Variants in CTNNA1 observed in about 807,000 individuals in gnomAD.
CTNNA1 encodes the protein catenin alpha 1, also known as catenin alpha-1.
In CTNNA1, 37 loss-of-function variants were observed where a neutral mutation model predicts 98.4. The observed-to-expected ratio is 0.38, with a 90% confidence interval of 0.29 to 0.49. CTNNA1 has a LOEUF of 0.49. CTNNA1 is among the 20% of genes least tolerant of loss of function. The pLI is 0.95. For missense variants in CTNNA1, 761 were observed against 1,147.2 expected (o/e 0.66, Z 4.86); for synonymous variants, 404 against 413.2 (o/e 0.98, Z 0.27).
At chr5:138,921,426 G>C (rs1439784984) in intron 11 of CTNNA1, among the ~76,000 whole-genome samples, 4 of 152,064 alleles carry the variant, frequency 2.6e-5, no homozygotes, top group African/African-American at 9.7e-5. Flanking sequence ...GTGGTAATTT[G>C]TACTTTCCTT....
intron 10 of CTNNA1, among the ~76,000 whole-genome samples, chr5:138,913,089 T>G (rs1003109722): frequency 1.3e-5 from 2 of 152,116 alleles, no homozygotes; most frequent in African/African-American, 2.4e-5. Context: ...TTCAGTTTTT[T>G]TTTGTTTGTT....
At chr5:138,900,530 A>G (rs1757806403) in intron 9 of CTNNA1, among the ~76,000 whole-genome samples, 1 of 152,240 alleles carries the variant, frequency 6.6e-6, no homozygotes, top group African/African-American at 2.4e-5. Context: ...ACTTCAGTAA[A>G]TCATAAATCT....
At chr5:138,823,438 A>G (rs899839632) in intron 5 of CTNNA1, among the ~76,000 whole-genome samples, 5 of 152,214 alleles carry the variant, frequency 3.3e-5, no homozygotes, top group South Asian at 2.1e-4. Flanking sequence ...GATTGGGGCT[A>G]TGAAGCACAT....
At chr5:138,846,480 T>A (rs1300446747) in intron 7 of CTNNA1, among the ~76,000 whole-genome samples, 2 of 152,234 alleles carry the variant, frequency 1.3e-5, no homozygotes, top group Non-Finnish European at 2.9e-5. Context: ...AGTTTGCTAA[T>A]GATGTGATAT....
At chr5:138,756,341 A>G (rs1388990173) in intron 1 of CTNNA1, among the ~76,000 whole-genome samples, 1 of 151,758 alleles carries the variant, frequency 6.6e-6, no homozygotes, top group Non-Finnish European at 1.5e-5. Context: ...TGATTTTTTA[A>G]TTTTTAGCAG....
chr5:138,842,523 C>G (rs866539814), intron 7 of CTNNA1, among the ~76,000 whole-genome samples: 1 of 152,128 alleles, frequency 6.6e-6, no homozygotes, highest in Non-Finnish European at 1.5e-5. Context: ...ATCCTCTCAC[C>G]TCCCTCACCT....
intron 9 of CTNNA1, among the ~76,000 whole-genome samples, chr5:138,893,901 C>T (rs916971425): frequency 1.3e-5 from 2 of 149,958 alleles, no homozygotes; most frequent in South Asian, 2.1e-4. Flanking sequence ...AGATTACAGG[C>T]GTGAGCCACC....
At chr5:138,825,376 G>A (rs1760553844) in intron 6 of CTNNA1, among the ~76,000 whole-genome samples, 1 of 151,824 alleles carries the variant, frequency 6.6e-6, no homozygotes, top group Admixed American at 6.6e-5. Context: ...GATGCGCTAG[G>A]TCTGTCCTGT....
chr5:138,907,739 T>C (rs115753071), intron 10 of CTNNA1, among the ~76,000 whole-genome samples: 1,695 of 152,314 alleles, frequency 0.011, 27 homozygotes, highest in African/African-American at 0.039. Flanking sequence ...TATTTTAAAG[T>C]GTGTGTTTCT....
chr5:138,857,463 T>A (rs1208694531), intron 7 of CTNNA1, among the ~76,000 whole-genome samples: 1 of 151,960 alleles, frequency 6.6e-6, no homozygotes, highest in African/African-American at 2.4e-5. Context: ...AGCTCATTTA[T>A]CCACTGCATT....
intron 10 of CTNNA1, among the ~76,000 whole-genome samples, chr5:138,907,202 G>T (rs1166462528): frequency 6.6e-6 from 1 of 151,952 alleles, no homozygotes; most frequent in Non-Finnish European, 1.5e-5. Context: ...TTGTATTTCT[G>T]GTAGAGACGG....
chr5:138,819,736 T>C (rs1759822651), intron 5 of CTNNA1, among the ~76,000 whole-genome samples: 4 of 152,058 alleles, frequency 2.6e-5, no homozygotes, highest in Admixed American at 1.3e-4. Flanking sequence ...GCGAAGGTAC[T>C]GTTTTCCCTG....
chr5:138,904,307 CAA>C, intron 9 of CTNNA1, 40 bp from the exon 10 acceptor site: 1 of 1,583,452 alleles, frequency 6.3e-7, no homozygotes, highest in Non-Finnish European at 8.6e-7. Flanking sequence ...CCTTAGCAGT[CAA>C]AAGAGAAAAA....
In CTNNA1 at chr5:138,873,092, G is replaced by A; in HGVS notation, c.1063-13120G>A. 1 of 1,613,864 alleles carries A rather than the reference G, an allele frequency of 6.2e-7. No individual in the cohort carries two copies. Among genetic ancestry groups the A allele is most frequent in the Non-Finnish European group, 8.5e-7 (1 of 1,179,794 alleles). Reference sequence around the variant, plus strand: ...AATGATGATGAAGGGTCCTTCATGGGTGGGTTCATATTCATTATACGGTCC... The same window carrying A: ...AATGATGATGAAGGGTCCTTCATGGATGGGTTCATATTCATTATACGGTCC... On this transcript the variant is annotated intron_variant, in intron 7 of 17. Transcript: ENST00000302763. This position sits in a 1 kb window ranked among gnomAD's most constrained non-coding sequence, Gnocchi z 6.1.
chr5:138,819,368 G>A (rs1401144161), intron 5 of CTNNA1, among the ~76,000 whole-genome samples: 1 of 152,198 alleles, frequency 6.6e-6, no homozygotes, highest in Admixed American at 6.5e-5. Context: ...GAGTGTCTCA[G>A]CAGTTCAGAC....
chr5:138,922,952 A>G (rs1226723776), intron 11 of CTNNA1, among the ~76,000 whole-genome samples: 1 of 151,686 alleles, frequency 6.6e-6, no homozygotes, highest in African/African-American at 2.4e-5. Context: ...AAACCGTAGA[A>G]GTATCTAGAC....
In CTNNA1 at chr5:138,824,551, C is replaced by T. The variant is rs748407995; in HGVS notation, c.610C>T (p.Arg204Cys). 9.3e-6 allele frequency: 15 copies of T among 1,614,050 alleles called. No individual in the cohort carries two copies. Among genetic ancestry groups the T allele is most frequent in the African/African-American group, 1.3e-5 (1 of 75,050 alleles). The change falls in exon 6 of 18, where the codon CGT becomes TGT. Residue 204 changes from arginine to cysteine, a missense_variant. Coordinates refer to ENST00000302763, the MANE Select transcript of CTNNA1 (RefSeq NM_001903.5). ...RQQELKDVGH[R>C]DQMAAARGIL... Reference sequence around the variant, plus strand: ...GTAGGAATTGAAAGATGTTGGCCATCGTGATCAGATGGCTGCAGCTAGAGG... The same window carrying T: ...GTAGGAATTGAAAGATGTTGGCCATTGTGATCAGATGGCTGCAGCTAGAGG...
At chr5:138,893,379 G>C (rs1191758421) in intron 9 of CTNNA1, among the ~76,000 whole-genome samples, 1 of 151,972 alleles carries the variant, frequency 6.6e-6, no homozygotes, top group Non-Finnish European at 1.5e-5. Flanking sequence ...GTTCCTATCA[G>C]CGTGGATGTG....
Position 138,874,805 on chromosome 5 carries a change from A to G in CTNNA1, c.1063-11407A>G, listed in dbSNP as rs1002384349. 8.3e-6 allele frequency: 10 copies of G among 1,201,812 alleles called. No individual in the cohort carries two copies. Among genetic ancestry groups the G allele is most frequent in the Non-Finnish European group, 1.2e-5 (10 of 828,962 alleles). 74.4% of individuals were successfully genotyped at this position (1,201,812 alleles called of 1,614,324 possible). ...TGCTTTTACCTAAACCTCAAAATCC[A>G]AAATATGATGGTGATTTCCCTCATA... On this transcript the variant is annotated intron_variant, in intron 7 of 17. Coordinates refer to ENST00000302763, the MANE Select transcript of CTNNA1 (RefSeq NM_001903.5). The surrounding 1 kb of genome is among the most constrained non-coding windows in gnomAD (Gnocchi z 4.1).
Sources: allele counts gnomAD v4.1 joint callset (sites outside exome capture counted in the v4.1 genomes callset), GRCh38; gene constraint gnomAD v4.1.1; non-coding constraint Gnocchi (gnomAD v3.1); transcripts MANE v1.5; gene names NCBI Gene and HGNC (gene_info 2026-07-23, HGNC 2026-07-21).